ZNF273: variants seen among roughly 807,000 people sequenced by gnomAD.
ZNF273 encodes the protein zinc finger protein 273.
In ZNF273, 11 loss-of-function variants were observed where a neutral mutation model predicts 14.9. That is an observed-to-expected ratio of 0.74 (90% CI 0.46 to 1.22). ZNF273 has a LOEUF of 1.22. ZNF273 is among the 50% of genes most tolerant of loss of function. The pLI is 0.00. For missense variants in ZNF273, 577 were observed against 660.6 expected, an observed-to-expected ratio of 0.87 and a Z score of 1.39; for synonymous variants, 199 against 223.9, an observed-to-expected ratio of 0.89 and a Z score of 0.99.
intron 1 of ZNF273, among the ~76,000 whole-genome samples, chr7:64,915,547 G>T (rs566528584): frequency 6.6e-6 from 1 of 152,262 alleles, no homozygotes. Flanking sequence ...ACGTCCTGAA[G>T]GCACAGATCG....
intron 1 of ZNF273, among the ~76,000 whole-genome samples, chr7:64,909,143 C>A (rs1046609189): frequency 1.3e-5 from 2 of 152,006 alleles, no homozygotes; most frequent in Non-Finnish European, 2.9e-5. Context: ...TTTCAAACTG[C>A]TGAGCTCAGG....
intron 1 of ZNF273, among the ~76,000 whole-genome samples, chr7:64,908,551 C>T (rs1294090531): frequency 6.6e-6 from 1 of 152,138 alleles, no homozygotes; most frequent in East Asian, 1.9e-4. Context: ...CTGCCAGGTT[C>T]AAGTGATTCT....
At chr7:64,921,604 G>GTTTTTTTTT (rs1562963033) in intron 3 of ZNF273, among the ~76,000 whole-genome samples, 2 of 54,096 alleles carry the variant, frequency 3.7e-5, no homozygotes, top group African/African-American at 1.3e-4. Flanking sequence ...TCATGCTAAT[G>GTTTTTTTTT]CTTTTTTTTT....
At chr7:64,904,768 A>G (rs1468709906) in intron 1 of ZNF273, among the ~76,000 whole-genome samples, 4 of 152,158 alleles carry the variant, frequency 2.6e-5, no homozygotes, top group Non-Finnish European at 5.9e-5. Flanking sequence ...AAAGCAAAGA[A>G]TCATCCCCTG....
intron 1 of ZNF273, among the ~76,000 whole-genome samples, chr7:64,908,251 T>G (rs901333522): frequency 6.6e-5 from 10 of 152,260 alleles, no homozygotes; most frequent in Non-Finnish European, 2.9e-5. Flanking sequence ...TTTTTTTCCT[T>G]TTAACTTTTA....
Position 64,928,197 on chromosome 7 carries a change from A to G in ZNF273, c.869A>G (p.Tyr290Cys), listed in dbSNP as rs1794856744. 2 of 1,613,536 alleles carry G rather than the reference A, an allele frequency of 1.2e-6. No homozygotes were observed. Among genetic ancestry groups the G allele is most frequent in the Admixed American group, 1.7e-5 (1 of 59,918 alleles). Residue 290 changes from tyrosine to cysteine, a missense_variant, in exon 4 of 4, where the codon TAC (tyrosine) becomes TGC (cysteine). Coordinates refer to ENST00000476120, the MANE Select transcript of ZNF273 (RefSeq NM_021148.3). ...AAAATTCATACTGAAGAGAAACCTT[A>G]CAAATGTGAAGATTGTGGCAAAGTC... ...HKKIHTEEKP[Y>C]KCEDCGKVFS...
chr7:64,915,652 C>T (rs1298658333), intron 1 of ZNF273, among the ~76,000 whole-genome samples: 2 of 152,158 alleles, frequency 1.3e-5, no homozygotes, highest in African/African-American at 2.4e-5. Flanking sequence ...AACCTTCCAG[C>T]GTGGGCGTCA....
chr7:64,884,311 A>G (rs1346601895), downstream of ZNF273, among the ~76,000 whole-genome samples: 2 of 152,142 alleles, frequency 1.3e-5, no homozygotes, highest in Non-Finnish European at 2.9e-5. Context: ...ATCCATGAAC[A>G]TGGGTTTGAC....
At chr7:64,921,065 C>A (rs1794415413) in intron 3 of ZNF273, among the ~76,000 whole-genome samples, 1 of 149,346 alleles carries the variant, frequency 6.7e-6, no homozygotes, top group African/African-American at 2.5e-5. Flanking sequence ...ATTTATTTTT[C>A]TTTTTTTTTT....
At chr7:64,912,334 T>C (rs1223313474) in intron 1 of ZNF273, among the ~76,000 whole-genome samples, 2 of 151,654 alleles carry the variant, frequency 1.3e-5, no homozygotes, top group Non-Finnish European at 2.9e-5. Flanking sequence ...GTTTAGGTCC[T>C]AATATCTTTG....
At chr7:64,900,250 C>A (rs1163977163), upstream of ZNF273, among the ~76,000 whole-genome samples, 2 of 151,986 alleles carry the variant, frequency 1.3e-5, no homozygotes, top group African/African-American at 4.8e-5. Flanking sequence ...CCTCAGACTC[C>A]TGAGTAGCTG....
intron 3 of ZNF273, among the ~76,000 whole-genome samples, chr7:64,895,351 A>C (rs1185140077): frequency 6.6e-6 from 1 of 152,130 alleles, no homozygotes; most frequent in Non-Finnish European, 1.5e-5. Context: ...TCATAGGTCT[A>C]TTAAATTGTC....
At chr7:64,907,088 A>G (rs988735796) in intron 1 of ZNF273, among the ~76,000 whole-genome samples, 3 of 152,228 alleles carry the variant, frequency 2.0e-5, no homozygotes, top group Non-Finnish European at 4.4e-5. Context: ...GCCTGTGGGA[A>G]GAAGATAAAC....
downstream of ZNF273, among the ~76,000 whole-genome samples, chr7:64,935,099 G>C (rs1285576842): frequency 6.6e-6 from 1 of 152,160 alleles, no homozygotes. Context: ...TTGTTCTTGT[G>C]TAGAAATGCT....
rs771934798 is a variant in ZNF273 at position 64,903,280 on chromosome 7, G to A, written c.-38G>A. Reference sequence around the variant, plus strand: ...GGATTTGGCGGGGCCTTTGTCTCTCGCTGCAGTCGCAGCTCCAGGTCTCGT... The same window carrying A: ...GGATTTGGCGGGGCCTTTGTCTCTCACTGCAGTCGCAGCTCCAGGTCTCGT... On this transcript the variant is annotated 5_prime_UTR_variant, in exon 1 of 4. Coordinates refer to ENST00000476120, the MANE Select transcript of ZNF273 (RefSeq NM_021148.3). The A allele has an allele frequency of 4.5e-6, 7 of 1,542,258 alleles. No homozygotes were observed. The highest frequency in any genetic ancestry group is 1.4e-5 in the African/African-American group (1 of 73,178).
chr7:64,884,820 G>A (rs1279383627), intron 1 of ZNF273, among the ~76,000 whole-genome samples: 2 of 152,176 alleles, frequency 1.3e-5, no homozygotes, highest in African/African-American at 2.4e-5. Flanking sequence ...TTCCTCCAGC[G>A]GGACCCGACT....
At chr7:64,933,122 C>T (rs993067321), downstream of ZNF273, among the ~76,000 whole-genome samples, 1 of 152,180 alleles carries the variant, frequency 6.6e-6, no homozygotes, top group East Asian at 1.9e-4. Flanking sequence ...CAGGCACCTG[C>T]CACCACGCCT....
chr7:64,885,903 T>C (rs1791547320), intron 1 of ZNF273, among the ~76,000 whole-genome samples: 1 of 152,152 alleles, frequency 6.6e-6, no homozygotes, highest in African/African-American at 2.4e-5. Context: ...CAGCATGGTT[T>C]TCATTACTCA....
Position 64,927,950 on chromosome 7 carries a change from T to G in ZNF273, c.622T>G (p.Cys208Gly), listed in dbSNP as rs543559432. ...KRQTGKKPFK[C>G]KECGKSCCIL... ...ACAAACTGGAAAGAAACCTTTCAAA[T>G]GTAAAGAATGTGGCAAATCATGTTG... The change falls in exon 4 of 4, where the codon TGT (cysteine) becomes GGT (glycine). Residue 208 changes from cysteine to glycine, a missense_variant. Physicochemically the swap from Cys to Gly is radical, Grantham distance 159. Coordinates refer to ENST00000476120, the MANE Select transcript of ZNF273 (RefSeq NM_021148.3). The G allele has an allele frequency of 1.9e-6, 3 of 1,613,758 alleles. No homozygotes were observed. Among genetic ancestry groups the G allele is most frequent in the East Asian group, 4.5e-5 (2 of 44,834 alleles).
Sources: gnomAD v4.1 joint callset for allele counts (sites outside exome capture counted in the v4.1 genomes callset) on GRCh38, gnomAD v4.1.1 for gene constraint, MANE v1.5 for transcripts, NCBI Gene and HGNC (gene_info 2026-07-23, HGNC 2026-07-21) for gene names.